Variants in GRK4 observed in about 807,000 individuals in gnomAD.
GRK4 encodes the protein G protein-coupled receptor kinase 2-like.
A neutral mutation model predicts 77.9 loss-of-function variants in GRK4; 73 were observed. That is an observed-to-expected ratio of 0.94 (90% CI 0.78 to 1.14). The LOEUF is 1.14. Among genes scored for constraint, GRK4 ranks in the 50% most tolerant of loss-of-function variants. The pLI, the probability that GRK4 is intolerant of heterozygous loss-of-function variation, is 0.00. For synonymous variants in GRK4, 257 were observed against 254.4 expected (o/e 1.01, Z -0.10); for missense variants, 729 against 700.2 (o/e 1.04, Z -0.46).
At chr4:3,013,565 G>A (rs531512705) in intron 7 of GRK4, 123 bp from the exon 8 acceptor site, 13 of 1,155,656 alleles carry the variant, frequency 1.1e-5, no homozygotes, top group South Asian at 6.4e-5. Context: ...AAACGGTCTC[G>A]GCTCCTCATG....
chr4:3,016,393 C>A (rs1050680575), intron 8 of GRK4, among the ~76,000 whole-genome samples: 1 of 151,652 alleles, frequency 6.6e-6, no homozygotes, highest in African/African-American at 2.4e-5. Flanking sequence ...TGGCGAGCAC[C>A]TGTAATCCAA....
intron 1 of GRK4, among the ~76,000 whole-genome samples, chr4:2,967,623 T>A (rs1718116781): frequency 6.6e-6 from 1 of 152,172 alleles, no homozygotes; most frequent in African/African-American, 2.4e-5. Flanking sequence ...AGTCTTGAAC[T>A]CCTGACCTCA....
At chr4:3,010,838 C>A (rs1205782890) in intron 7 of GRK4, among the ~76,000 whole-genome samples, 2 of 152,112 alleles carry the variant, frequency 1.3e-5, no homozygotes, top group Non-Finnish European at 2.9e-5. Context: ...GAAAGCTGAC[C>A]TAGGAGGCAG....
intron 12 of GRK4, among the ~76,000 whole-genome samples, chr4:3,033,113 T>G (rs1739610816): frequency 6.6e-6 from 1 of 152,216 alleles, no homozygotes; most frequent in African/African-American, 2.4e-5. Context: ...CTGGAGCTGG[T>G]GGCTCATACC....
At chr4:2,973,771 C>T (rs1720294813) in intron 1 of GRK4, among the ~76,000 whole-genome samples, 1 of 152,164 alleles carries the variant, frequency 6.6e-6, no homozygotes, top group African/African-American at 2.4e-5. Flanking sequence ...GCACAGCAGC[C>T]AGAGTGGTCC....
Position 3,014,980 on chromosome 4 carries a change from A to G in GRK4, c.741+1152A>G, listed in dbSNP as rs149488652. Among the ~76,000 whole-genome samples, 171 of 152,184 alleles carry G rather than the reference A, an allele frequency of 1.1e-3. 1 individual carries two copies. The highest frequency in any genetic ancestry group is 3.9e-3 in the African/African-American group (161 of 41,516). On this transcript the variant is annotated intron_variant, in intron 8 of 15. Coordinates refer to ENST00000398052, the MANE Select transcript of GRK4 (RefSeq NM_182982.3). ...TGTGGGCCTCCTCCCTCTGGCCTCA[A>G]TCTGCTTTCCGTCTTTTCCTTTTTC...
At position 2,963,601 on chromosome 4, in the gene GRK4, C is replaced by G; in HGVS notation, c.-470C>G. 1 of 439,926 alleles carries G rather than the reference C, an allele frequency of 2.3e-6. No homozygotes were observed. Among genetic ancestry groups the G allele is most frequent in the Non-Finnish European group, 4.0e-6 (1 of 251,024 alleles). The allele number at this position is 439,926 out of a possible 1,614,324, so 27.3% of individuals were successfully genotyped here. A position where few individuals can be genotyped will look rare whatever the true frequency, so the allele number is the denominator to read the frequency against. ...GCCCCGGCCGCGGCGGCGAGGGGCG[C>G]TCCCTCTTCAGCTAAGCCGTTAGCG... On this transcript the variant is annotated 5_prime_UTR_variant, in exon 1 of 16. Transcript: ENST00000398052.
intron 1 of GRK4, chr4:2,965,930 G>A (rs1577898558): frequency 5.6e-6 from 1 of 177,960 alleles, no homozygotes; most frequent in African/African-American, 2.4e-5. Flanking sequence ...TCAGATTGAA[G>A]CTAAGCCAGT....
At chr4:3,011,484 G>A (rs1732904526) in intron 7 of GRK4, among the ~76,000 whole-genome samples, 2 of 152,136 alleles carry the variant, frequency 1.3e-5, no homozygotes, top group Non-Finnish European at 2.9e-5. Flanking sequence ...AATTATGATT[G>A]TATAGATTAC....
intron 1 of GRK4, among the ~76,000 whole-genome samples, chr4:2,969,471 G>C (rs1306967431): frequency 6.6e-6 from 1 of 151,450 alleles, no homozygotes; most frequent in East Asian, 1.9e-4. Context: ...CCGCCTCCTG[G>C]GTTCAAGCGA....
intron 1 of GRK4, among the ~76,000 whole-genome samples, chr4:2,968,669 T>C (rs1376968745): frequency 6.6e-6 from 1 of 152,074 alleles, no homozygotes; most frequent in Admixed American, 6.6e-5. Flanking sequence ...TTGAGGCACA[T>C]AAATAAGACG....
chr4:3,032,589 G>A (rs1739477648), intron 12 of GRK4, among the ~76,000 whole-genome samples: 1 of 152,146 alleles, frequency 6.6e-6, no homozygotes, highest in South Asian at 2.1e-4. Flanking sequence ...GGGAAAGGAG[G>A]TGTCTGAGTG....
chr4:3,031,387 G>A (rs1317246668), intron 12 of GRK4, among the ~76,000 whole-genome samples: 1 of 152,194 alleles, frequency 6.6e-6, no homozygotes, highest in East Asian at 1.9e-4. Context: ...AGCATCAAGA[G>A]CCCATGCGGA....
chr4:2,994,465 C>A (rs1436013203), intron 4 of GRK4, among the ~76,000 whole-genome samples: 1 of 152,204 alleles, frequency 6.6e-6, no homozygotes, highest in Non-Finnish European at 1.5e-5. Context: ...CCTGCCTCGG[C>A]CTCCCAAATT....
At chr4:2,966,358 G>A (rs1717689604) in intron 1 of GRK4, 1 of 151,070 alleles carries the variant, frequency 6.6e-6, no homozygotes, top group Admixed American at 6.6e-5. Flanking sequence ...CTTGCAGTGA[G>A]CCGAGATCGC....
At chr4:2,965,426 C>T (rs1488643474) in intron 1 of GRK4, 12 of 702,958 alleles carry the variant, frequency 1.7e-5, no homozygotes, top group Non-Finnish European at 7.8e-6. Context: ...CACACCCCGT[C>T]ACTCTTACGG....
chr4:2,976,235 T>G (rs983703821), intron 1 of GRK4, among the ~76,000 whole-genome samples: 3 of 151,982 alleles, frequency 2.0e-5, no homozygotes, highest in African/African-American at 7.3e-5. Context: ...TCTTCCTTGT[T>G]TTTTTTTCCC....
intron 1 of GRK4, chr4:2,965,500 C>A: frequency 2.8e-6 from 2 of 702,280 alleles, no homozygotes; most frequent in Non-Finnish European, 5.2e-6. Context: ...TGCTCCAGGA[C>A]AGTGTAAATG....
At chr4:3,038,726 C>T in intron 15 of GRK4, 1 of 511,892 alleles carries the variant, frequency 2.0e-6, no homozygotes, top group East Asian at 2.9e-5. Context: ...GAAGACTGTT[C>T]TGATCCAAAA....
Sources: allele counts gnomAD v4.1 joint callset (sites outside exome capture counted in the v4.1 genomes callset), GRCh38; gene constraint gnomAD v4.1.1; transcripts MANE v1.5; gene names NCBI Gene and HGNC (gene_info 2026-07-23, HGNC 2026-07-21).